Variants in RGPD2 observed in about 807,000 individuals in gnomAD.
RGPD2 encodes the protein RANBP2-like and GRIP domain-containing protein 2.
In RGPD2, 2 loss-of-function variants were observed where a neutral mutation model predicts 36.0. The ratio of observed to expected loss-of-function variants is 0.06; its 90% CI spans 0.02 to 0.17. The LOEUF (loss-of-function observed/expected upper bound fraction) is 0.17. Ranked by LOEUF, RGPD2 falls within the 10% of genes least tolerant of loss-of-function variation. The pLI is 1.00. For missense variants in RGPD2, 40 were observed against 464.3 expected (o/e 0.09, Z 8.40); for synonymous variants, 19 against 163.8 (o/e 0.12, Z 6.75).
chr2:87,832,208 T>A, the RGPD2 span, among the ~76,000 whole-genome samples: 2 of 149,758 alleles, frequency 1.3e-5, no homozygotes, highest in South Asian at 4.1e-4. Context: ...TGTATAAGAA[T>A]GATGATTAAT....
chr2:87,915,451 A>C, the RGPD2 span, among the ~76,000 whole-genome samples: 1 of 141,182 alleles, frequency 7.1e-6, no homozygotes, highest in South Asian at 2.1e-4. Flanking sequence ...ATATATATAC[A>C]CATATACACA....
At chr2:87,980,143 G>C in the RGPD2 span, among the ~76,000 whole-genome samples, 2 of 152,054 alleles carry the variant, frequency 1.3e-5, no homozygotes, top group Non-Finnish European at 2.9e-5. Context: ...TTGAGGTCAG[G>C]AGTTCGAGAC....
chr2:87,809,654 A>T (rs1385587791), intron 6 of RGPD2, among the ~76,000 whole-genome samples: 1,411 of 145,236 alleles, frequency 9.7e-3, no homozygotes, highest in Non-Finnish European at 0.013. Flanking sequence ...GATCTGACAA[A>T]CCATCTGTCA....
chr2:87,972,591 G>A, the RGPD2 span: 1 of 940,538 alleles, frequency 1.1e-6, no homozygotes, highest in Non-Finnish European at 1.6e-6. Context: ...GGCAGCAGAG[G>A]TGGCAGGGGC....
chr2:87,878,839 T>C, the RGPD2 span, among the ~76,000 whole-genome samples: 1 of 152,254 alleles, frequency 6.6e-6, no homozygotes. Flanking sequence ...ACAGTATTTG[T>C]CTCTTTGTGG....
the RGPD2 span, among the ~76,000 whole-genome samples, chr2:87,927,561 AT>A: frequency 2.6e-5 from 4 of 150,962 alleles, no homozygotes; most frequent in Non-Finnish European, 5.9e-5. Context: ...GTGTCCTTAC[AT>A]TTTTTTTATT....
chr2:87,907,465 A>AAT, the RGPD2 span, among the ~76,000 whole-genome samples: 1 of 8,572 alleles, frequency 1.2e-4, no homozygotes, highest in Non-Finnish European at 1.9e-4. Flanking sequence ...AAAAAAAAAG[A>AAT]ATTGTGGGTA....
the RGPD2 span, among the ~76,000 whole-genome samples, chr2:87,941,155 C>G: frequency 1.3e-5 from 2 of 150,258 alleles, no homozygotes; most frequent in Non-Finnish European, 3.0e-5. Flanking sequence ...ATTGGTTATT[C>G]GTGTAAAAAA....
the RGPD2 span, among the ~76,000 whole-genome samples, chr2:87,962,141 G>A: frequency 2.0e-5 from 3 of 146,750 alleles, no homozygotes; most frequent in South Asian, 4.3e-4. Context: ...ATTTTCAGCC[G>A]TCTGTATTTT....
At chr2:87,957,688 G>T in the RGPD2 span, among the ~76,000 whole-genome samples, 2 of 152,244 alleles carry the variant, frequency 1.3e-5, no homozygotes, top group African/African-American at 4.8e-5. Flanking sequence ...TATGAATTTT[G>T]GGGGGGAGTC....
chr2:87,910,952 C>A, the RGPD2 span, among the ~76,000 whole-genome samples: 2 of 151,906 alleles, frequency 1.3e-5, no homozygotes, highest in Non-Finnish European at 2.9e-5. Context: ...TTCAAGTTAG[C>A]ACTTGTTCTG....
At chr2:87,820,127 CAAAAAA>C (rs1245208969) in intron 1 of RGPD2, among the ~76,000 whole-genome samples, 3 of 29,080 alleles carry the variant, frequency 1.0e-4, no homozygotes, top group African/African-American at 1.6e-4. Context: ...GATTCCATCT[CAAAAAA>C]AAAAAAAAAA....
At chr2:87,915,367 A>G in the RGPD2 span, among the ~76,000 whole-genome samples, 1 of 129,122 alleles carries the variant, frequency 7.7e-6, no homozygotes, top group East Asian at 2.1e-4. Context: ...TTATATATAT[A>G]TGTATATTAT....
intron 7 of RGPD2, among the ~76,000 whole-genome samples, chr2:87,805,873 G>A (rs1685934214): frequency 8.8e-6 from 1 of 113,522 alleles, no homozygotes; most frequent in Admixed American, 9.7e-5. Flanking sequence ...AAAAAAAAAA[G>A]GCCAGGCACG....
intron 6 of RGPD2, among the ~76,000 whole-genome samples, chr2:87,809,807 C>T (rs1168195701): frequency 2.0e-5 from 3 of 149,518 alleles, no homozygotes; most frequent in Non-Finnish European, 4.5e-5. Flanking sequence ...TGGTCATCTC[C>T]CCTCCTGAGC....
At chr2:87,877,811 A>G in the RGPD2 span, among the ~76,000 whole-genome samples, 1 of 97,434 alleles carries the variant, frequency 1.0e-5, no homozygotes, top group Non-Finnish European at 2.2e-5. Context: ...TCTCAAAAAA[A>G]AAAAAAAAAA....
At chr2:87,958,313 A>G in the RGPD2 span, among the ~76,000 whole-genome samples, 8 of 152,172 alleles carry the variant, frequency 5.3e-5, no homozygotes, top group Non-Finnish European at 1.2e-4. Context: ...TACTATTTTA[A>G]GTATGAACAT....
At chr2:87,939,524 T>C in the RGPD2 span, among the ~76,000 whole-genome samples, 7 of 151,958 alleles carry the variant, frequency 4.6e-5, no homozygotes, top group Admixed American at 3.9e-4. Flanking sequence ...AGAACTACTG[T>C]AGCCTTGGGA....
chr2:87,944,576 T>C, the RGPD2 span, among the ~76,000 whole-genome samples: 6 of 115,226 alleles, frequency 5.2e-5, 2 homozygotes, highest in Admixed American at 5.6e-4. Flanking sequence ...GGGCTGGATT[T>C]TACTGATATA....
Sources: allele counts gnomAD v4.1 joint callset (sites outside exome capture counted in the v4.1 genomes callset), GRCh38; gene constraint gnomAD v4.1.1; transcripts MANE v1.5; gene names NCBI Gene and HGNC (gene_info 2026-07-23, HGNC 2026-07-21).